GP2: variants seen among roughly 807,000 people sequenced by gnomAD.
GP2 encodes pancreatic secretory granule membrane major glycoprotein GP2.
GP2 carries 58 observed loss-of-function variants against 60.8 expected under a neutral mutation model. That is an observed-to-expected ratio of 0.95 (90% CI 0.77 to 1.19). The LOEUF is 1.19. Among genes scored for constraint, GP2 ranks in the 50% most tolerant of loss-of-function variants. The pLI is 0.00. For synonymous variants in GP2, 280 were observed against 253.4 expected, an observed-to-expected ratio of 1.10 and a Z score of -1.00; for missense variants, 647 against 667.4, an observed-to-expected ratio of 0.97 and a Z score of 0.34.
At position 20,311,157 on chromosome 16, in the gene GP2, G is replaced by A. The variant is rs1320937924; in HGVS notation, c.*66C>T. The A allele has an allele frequency of 2.1e-6, 2 of 941,308 alleles. No homozygotes were observed. Among genetic ancestry groups the A allele is most frequent in the Non-Finnish European group, 3.5e-6 (2 of 566,518 alleles). 58.3% of individuals were successfully genotyped at this position (941,308 alleles called of 1,614,324 possible). On this transcript the variant is annotated 3_prime_UTR_variant, in exon 11 of 11. Coordinates refer to ENST00000302555, the MANE Select transcript of GP2 (RefSeq NM_001502.4). Reference sequence around the variant, plus strand: ...GTGTGAATTGGAGTGGAAAGCAGAAGTGCTGAAGGGAGCCATTGCCAGAGG... The same window carrying A: ...GTGTGAATTGGAGTGGAAAGCAGAAATGCTGAAGGGAGCCATTGCCAGAGG...
chr16:20,321,664 A>G (rs1051393769), intron 4 of GP2, among the ~76,000 whole-genome samples: 1 of 152,220 alleles, frequency 6.6e-6, no homozygotes, highest in Non-Finnish European at 1.5e-5. Flanking sequence ...AGGCAAAAGC[A>G]TGGAGATGGG....
chr16:20,311,143 A>C lies in GP2; in HGVS notation c.*80T>G. 1 of 849,876 alleles carries C rather than the reference A, an allele frequency of 1.2e-6. No individual in the cohort carries two copies. The highest frequency in any genetic ancestry group is 1.3e-5 in the South Asian group (1 of 75,038). The allele number at this position is 849,876 out of a possible 1,614,324, so 52.6% of individuals were successfully genotyped here. A position where few individuals can be genotyped will look rare whatever the true frequency, so the allele number is the denominator to read the frequency against. On this transcript the variant is annotated 3_prime_UTR_variant, in exon 11 of 11. Transcript: ENST00000302555. ...TTAATACCAAGCCTGTGTGAATTGGAGTGGAAAGCAGAAGTGCTGAAGGGA... is the reference window on the plus strand; with the variant it reads ...TTAATACCAAGCCTGTGTGAATTGGCGTGGAAAGCAGAAGTGCTGAAGGGA...
intron 10 of GP2, among the ~76,000 whole-genome samples, chr16:20,312,805 C>T (rs990249875): frequency 6.6e-6 from 1 of 152,156 alleles, no homozygotes; most frequent in Non-Finnish European, 1.5e-5. Flanking sequence ...CATGCACCAC[C>T]ATGCCCATCT....
rs1433556818 is a variant in GP2, at chr16:20,326,407, C to T, written c.25G>A (p.Val9Met). The T allele has an allele frequency of 6.2e-7, 1 of 1,613,152 alleles. No individual in the cohort carries two copies. Residue 9 changes from valine (V) to methionine (M), a missense_variant, in exon 2 of 11, where the codon GTG becomes ATG. Coordinates refer to ENST00000302555, the MANE Select transcript of GP2 (RefSeq NM_001502.4). ...GCCAGCCACAGGAGGCCAGAGCCCA[C>T]CATCCTTTCCATAAGGTGAGGCATG... MPHLMERM[V>M]GSGLLWLALV...
chr16:20,323,853 C>G lies in GP2; in HGVS notation c.498G>C (p.Leu166Phe), dbSNP rs1285426972. The G allele has an allele frequency of 6.2e-7, 1 of 1,613,650 alleles. No homozygotes were observed. Among genetic ancestry groups the G allele is most frequent in the Non-Finnish European group, 8.5e-7 (1 of 1,179,848 alleles). ...ACPGGYHVYRLEGTPWCNLRY... is the reference protein window; with the variant it reads ...ACPGGYHVYRFEGTPWCNLRY... ...TCAGATTACACCAGGGAGTGCCTTC[C>G]AACCGGTACACATGGTACCCGCCTG... The change falls in exon 3 of 11, where the codon TTG (leucine) becomes TTC (phenylalanine). Residue 166 changes from leucine (L) to phenylalanine (F), a missense_variant. Physicochemically the swap from Leu to Phe is conservative, Grantham distance 22. Transcript: ENST00000302555.
intron 9 of GP2, 105 bp downstream of exon 9, chr16:20,315,851 A>G: frequency 1.3e-6 from 1 of 749,852 alleles, no homozygotes; most frequent in Non-Finnish European, 2.5e-6. Context: ...GGTCAGACTG[A>G]GGTGGTACAA....
At chr16:20,318,592 C>T (rs142268414) in intron 6 of GP2, among the ~76,000 whole-genome samples, 162 bp from the exon 7 acceptor site, 225 of 152,326 alleles carry the variant, frequency 1.5e-3, no homozygotes, top group African/African-American at 5.1e-3. Context: ...CTTCTAGGCA[C>T]TAAACTTGAC....
At chr16:20,318,038 G>T in intron 7 of GP2, 147 bp downstream of exon 7, 1 of 676,658 alleles carries the variant, frequency 1.5e-6, no homozygotes, top group Non-Finnish European at 2.6e-6. Context: ...AATATTTTAG[G>T]CTAAAATCTC....
chr16:20,320,201 A>G lies in GP2; in HGVS notation c.858+61T>C, dbSNP rs914862803. The G allele has an allele frequency of 6.5e-6, 8 of 1,221,700 alleles. No individual in the cohort carries two copies. The African/African-American group carries it at 1.0e-4, about 16-fold the overall frequency. The allele number at this position is 1,221,700 out of a possible 1,614,324, so 75.7% of individuals were successfully genotyped here. On this transcript the variant is annotated intron_variant, in intron 5 of 10. Transcript: ENST00000302555. Reference sequence around the variant, plus strand: ...GCTTGTCCAAGATCTCAGAGCTACTATGATAGGTCCCATCAGCCCAACACA... The same window carrying G: ...GCTTGTCCAAGATCTCAGAGCTACTGTGATAGGTCCCATCAGCCCAACACA...
chr16:20,313,245 CTCTCTCTG>C (rs1020097003), intron 10 of GP2, among the ~76,000 whole-genome samples: 4 of 110,844 alleles, frequency 3.6e-5, no homozygotes, highest in African/African-American at 1.1e-4. Context: ...TGTTCTCTCT[CTCTCTCTG>C]TCTCTCTGTC....
intron 10 of GP2, among the ~76,000 whole-genome samples, chr16:20,311,734 A>G (rs905038521): frequency 1.3e-5 from 2 of 152,220 alleles, no homozygotes; most frequent in African/African-American, 4.8e-5. Context: ...TAACGACTAC[A>G]TGGAGCAGAA....
At chr16:20,315,413 A>G (rs1194386218) in intron 9 of GP2, among the ~76,000 whole-genome samples, 2 of 152,232 alleles carry the variant, frequency 1.3e-5, no homozygotes, top group Admixed American at 6.5e-5. Flanking sequence ...GGATGAAAAT[A>G]TGAGGAGTCA....
At chr16:20,321,053 T>C (rs74388318) in intron 4 of GP2, among the ~76,000 whole-genome samples, 105 of 118,318 alleles carry the variant, frequency 8.9e-4, no homozygotes, top group East Asian at 4.6e-3. Context: ...CTGTCTCTCT[T>C]TTTTTTTTTT....
At chr16:20,318,831 T>G (rs995443876) in intron 6 of GP2, among the ~76,000 whole-genome samples, 1 of 152,158 alleles carries the variant, frequency 6.6e-6, no homozygotes, top group African/African-American at 2.4e-5. Context: ...TCATTTTGAT[T>G]TTTTATGAAC....
intron 3 of GP2, 23 bp from the exon 4 acceptor site, chr16:20,323,002 A>T: frequency 7.2e-7 from 1 of 1,384,410 alleles, no homozygotes; most frequent in Non-Finnish European, 1.0e-6. Flanking sequence ...GCATGGAGAG[A>T]GAAGATCAGG....
chr16:20,326,463 T>G lies in GP2; in HGVS notation c.-32A>C. 1 of 1,611,938 alleles carries G rather than the reference T, an allele frequency of 6.2e-7. No individual in the cohort carries two copies. The highest frequency in any genetic ancestry group is 1.1e-5 in the South Asian group (1 of 90,872). On this transcript the variant is annotated 5_prime_UTR_variant, in exon 2 of 11. The change abolishes an upstream ATG in the 5' untranslated region. Coordinates refer to ENST00000302555, the MANE Select transcript of GP2 (RefSeq NM_001502.4). Reference sequence around the variant, plus strand: ...CACTTTGCTGTATGCAGACTTCCCATGCAGCTATGGGAAAGAAAAGACCAA... The same window carrying G: ...CACTTTGCTGTATGCAGACTTCCCAGGCAGCTATGGGAAAGAAAAGACCAA...
At chr16:20,318,494 T>TA (rs1255963057) in intron 6 of GP2, 64 bp from the exon 7 acceptor site, 46 of 1,485,186 alleles carry the variant, frequency 3.1e-5, no homozygotes. Context: ...GCCCTGCACT[T>TA]ACTTAACACA....
chr16:20,314,433 A>G (rs1423663170), intron 10 of GP2, among the ~76,000 whole-genome samples: 2 of 152,008 alleles, frequency 1.3e-5, no homozygotes. Flanking sequence ...TTGCCATCAC[A>G]TCTTCAGTGC....
At position 20,316,963 on chromosome 16, in the gene GP2, G is replaced by A. The variant is rs539645666; in HGVS notation, c.1416+250C>T. On this transcript the variant is annotated intron_variant, in intron 8 of 10. Transcript: ENST00000302555. ...CTTCCCTCCCTCCTTCTCCTTCCTCGTCCCCTTCCCTAATCTTCCCTTTCC... is the reference window on the plus strand; with the variant it reads ...CTTCCCTCCCTCCTTCTCCTTCCTCATCCCCTTCCCTAATCTTCCCTTTCC... Among the ~76,000 whole-genome samples, 202 of 100,662 alleles carry A rather than the reference G, an allele frequency of 2.0e-3. 1 individual carries two copies. The highest frequency in any genetic ancestry group is 3.2e-3 in the Admixed American group (24 of 7,392). The allele number at this position is 100,662 out of a possible 152,430, so 66.0% of individuals were successfully genotyped here. A position where few individuals can be genotyped will look rare whatever the true frequency, so the allele number is the denominator to read the frequency against.
Sources: gnomAD v4.1 joint callset for allele counts (sites outside exome capture counted in the v4.1 genomes callset) on GRCh38, gnomAD v4.1.1 for gene constraint, MANE v1.5 for transcripts, NCBI Gene and HGNC (gene_info 2026-07-23, HGNC 2026-07-21) for gene names.